Variants in PRPF18 observed in about 807,000 individuals in gnomAD.
The protein encoded by PRPF18 is pre-mRNA-splicing factor 18.
In PRPF18, 38 loss-of-function variants were observed where a neutral mutation model predicts 46.5. That is an observed-to-expected ratio of 0.82 (90% CI 0.63 to 1.07). The LOEUF is 1.07. Ranked by LOEUF, PRPF18 falls within the 50% of genes least tolerant of loss-of-function variation. PRPF18 has a pLI of 0.00. For synonymous variants in PRPF18, 152 were observed against 146.7 expected (o/e 1.04, Z -0.26); for missense variants, 263 against 410.0 (o/e 0.64, Z 3.10).
intron 6 of PRPF18, among the ~76,000 whole-genome samples, chr10:13,612,387 C>T (rs1449291265): frequency 6.6e-6 from 1 of 152,074 alleles, no homozygotes; most frequent in African/African-American, 2.4e-5. Flanking sequence ...ATTATCCTGC[C>T]TCAGCCTCTC....
At chr10:13,623,579 T>A (rs191197428) in intron 9 of PRPF18, among the ~76,000 whole-genome samples, 1 of 152,340 alleles carries the variant, frequency 6.6e-6, no homozygotes, top group Admixed American at 6.5e-5. Context: ...AATAATTGAT[T>A]TAACAACATG....
intron 4 of PRPF18, among the ~76,000 whole-genome samples, chr10:13,606,026 A>T (rs974224639): frequency 6.6e-6 from 1 of 152,184 alleles, no homozygotes; most frequent in Admixed American, 6.5e-5. Flanking sequence ...AAGAATAGCG[A>T]ATGGATGCTG....
chr10:13,603,751 T>A (rs1274107819), intron 3 of PRPF18, among the ~76,000 whole-genome samples: 2 of 152,212 alleles, frequency 1.3e-5, no homozygotes, highest in African/African-American at 4.8e-5. Flanking sequence ...CAAGTTGACA[T>A]GTTTGTAGTA....
At chr10:13,638,572 G>A in the PRPF18 span, 5 of 152,064 alleles carry the variant, frequency 3.3e-5, no homozygotes, top group Non-Finnish European at 7.3e-5. Context: ...GAGAGTCAAT[G>A]GTGTAAATTC....
the PRPF18 span, chr10:13,642,492 C>G: frequency 6.6e-6 from 1 of 152,122 alleles, no homozygotes; most frequent in Admixed American, 6.5e-5. Context: ...GGGGTGTTCA[C>G]TTTGTGTTCT....
At chr10:13,622,969 C>T (rs61833171) in intron 9 of PRPF18, among the ~76,000 whole-genome samples, 35,552 of 152,000 alleles carry the variant, frequency 0.23, 4,580 homozygotes, top group East Asian at 0.55. Flanking sequence ...GAGGCTGAGG[C>T]GGGCAGATCA....
chr10:13,601,446 G>A (rs1312931358), intron 3 of PRPF18, among the ~76,000 whole-genome samples: 1 of 152,188 alleles, frequency 6.6e-6, no homozygotes, highest in Non-Finnish European at 1.5e-5. Flanking sequence ...ACAAAAGGCT[G>A]TAAAACAAAA....
chr10:13,630,331 T>C lies in PRPF18; in HGVS notation c.1020T>C (p.Asn340=). ...PTDPSKCVEY[N]AL ...ACCCATCCAAATGTGTGGAGTACAA[T>C]GCACTGTGAGATCTGTGTATGGTGT... Residue 340 remains asparagine, a synonymous_variant, in exon 10 of 10, where the codon AAT becomes AAC. Coordinates refer to ENST00000378572, the MANE Select transcript of PRPF18 (RefSeq NM_003675.4). 6.2e-7 allele frequency: 1 copy of C among 1,608,626 alleles called. No homozygotes were observed. Among genetic ancestry groups the C allele is most frequent in the Non-Finnish European group, 8.5e-7 (1 of 1,175,004 alleles).
intron 9 of PRPF18, among the ~76,000 whole-genome samples, chr10:13,627,766 G>A (rs1248341275): frequency 1.3e-5 from 2 of 152,114 alleles, no homozygotes; most frequent in Admixed American, 1.3e-4. Flanking sequence ...GTATAAATAG[G>A]CATCACACAC....
intron 4 of PRPF18, 92 bp downstream of exon 4, chr10:13,605,836 A>G: frequency 7.0e-7 from 1 of 1,419,546 alleles, no homozygotes; most frequent in Non-Finnish European, 9.2e-7. Context: ...GCAACAATGG[A>G]AAAGTAAAGT....
intron 9 of PRPF18, among the ~76,000 whole-genome samples, chr10:13,618,610 C>A (rs1264564136): frequency 6.3e-5 from 8 of 127,276 alleles, no homozygotes; most frequent in African/African-American, 2.5e-4. Flanking sequence ...AGAGCAAGAC[C>A]CTGTCAAAAA....
chr10:13,654,368 G>C, the PRPF18 span: 4 of 1,170,620 alleles, frequency 3.4e-6, no homozygotes, highest in Admixed American at 1.7e-5. Context: ...GAACGTCTAT[G>C]ACACTCTTTC....
intron 3 of PRPF18, among the ~76,000 whole-genome samples, chr10:13,601,346 CT>C (rs2080106336): frequency 6.6e-6 from 1 of 152,104 alleles, no homozygotes; most frequent in Non-Finnish European, 1.5e-5. Flanking sequence ...TAGTGTTTGT[CT>C]ATACCTTGAT....
rs1040735903 is a variant in PRPF18 at position 13,597,524 on chromosome 10, T to C, written c.133T>C (p.Cys45Arg). Residue 45 changes from cysteine to arginine, a missense_variant, in exon 2 of 10, where the codon TGT becomes CGT. Cys to Arg is a radical substitution (Grantham distance 180). This residue lies in a region of PRPF18 where 71 missense variants were observed against 69.2 expected (regional missense o/e 1.03). Transcript: ENST00000378572. ...AGAAGAGGAAGCATATTTTGAAAGATGTGGCTACAAGGTATGAATGTCTGC... is the reference window on the plus strand; with the variant it reads ...AGAAGAGGAAGCATATTTTGAAAGACGTGGCTACAAGGTATGAATGTCTGC... ...KKEEEAYFERCGYKIQPKEED... is the reference protein window; with the variant it reads ...KKEEEAYFERRGYKIQPKEED... 8.7e-6 allele frequency: 14 copies of C among 1,611,062 alleles called. No homozygotes were observed. The highest frequency in any genetic ancestry group is 1.2e-5 in the Non-Finnish European group (14 of 1,178,416).
chr10:13,640,311 A>G, the PRPF18 span: 6 of 152,044 alleles, frequency 3.9e-5, no homozygotes, highest in East Asian at 1.9e-4. Context: ...TGTTTGTTCA[A>G]TCATCTCTCT....
chr10:13,639,106 A>T, the PRPF18 span: 1 of 152,176 alleles, frequency 6.6e-6, no homozygotes, highest in African/African-American at 2.4e-5. Flanking sequence ...GATAAAATAG[A>T]TGTGAGAGCA....
At chr10:13,626,256 T>C (rs762663525) in intron 9 of PRPF18, among the ~76,000 whole-genome samples, 4 of 152,134 alleles carry the variant, frequency 2.6e-5, no homozygotes, top group Non-Finnish European at 4.4e-5. Context: ...GGGTCCAGGT[T>C]AGAGTAGATG....
intron 3 of PRPF18, among the ~76,000 whole-genome samples, chr10:13,604,502 A>T (rs2080157758): frequency 1.3e-5 from 2 of 152,346 alleles, no homozygotes; most frequent in East Asian, 1.9e-4. Flanking sequence ...AAAGCTCTGC[A>T]TATGCAGATT....
intron 1 of PRPF18, among the ~76,000 whole-genome samples, chr10:13,587,830 T>A (rs1397134261): frequency 6.6e-6 from 1 of 152,230 alleles, no homozygotes; most frequent in Non-Finnish European, 1.5e-5. Context: ...TGTGTTTTGT[T>A]ACTTTTTTTG....
Sources: gnomAD v4.1 joint callset for allele counts (sites outside exome capture counted in the v4.1 genomes callset) on GRCh38, gnomAD v4.1.1 for gene constraint, gnomAD v4.1.1 regional missense constraint, MANE v1.5 for transcripts, NCBI Gene and HGNC (gene_info 2026-07-23, HGNC 2026-07-21) for gene names.